The following ASIC2 variants were observed in gnomAD, a reference collection of about 807,000 sequenced individuals.
The protein encoded by ASIC2 is acid-sensing ion channel 2.
Under a neutral mutation model 57.3 loss-of-function variants are expected in ASIC2, and 25 were observed. The ratio of observed to expected loss-of-function variants is 0.44; its 90% confidence interval spans 0.32 to 0.61. ASIC2 has a LOEUF of 0.61. ASIC2 is among the 20% of genes least tolerant of loss of function. The pLI is 0.06. For missense variants in ASIC2, 641 were observed against 738.1 expected, an observed-to-expected ratio of 0.87 and a Z score of 1.52; for synonymous variants, 319 against 307.5, an observed-to-expected ratio of 1.04 and a Z score of -0.39.
chr17:33,498,281 C>T (rs528082648), intron 1 of ASIC2, among the ~76,000 whole-genome samples: 2 of 152,302 alleles, frequency 1.3e-5, no homozygotes, highest in South Asian at 2.1e-4. Flanking sequence ...GTTGTGATTC[C>T]GAGGCAACTC....
At chr17:33,581,824 C>A (rs1904451523) in intron 1 of ASIC2, among the ~76,000 whole-genome samples, 2 of 152,172 alleles carry the variant, frequency 1.3e-5, no homozygotes, top group Non-Finnish European at 2.9e-5. Flanking sequence ...CATTGAGTAG[C>A]CTTTGCTCCT....
At chr17:34,124,552 A>T (rs1911718722) in intron 1 of ASIC2, among the ~76,000 whole-genome samples, 1 of 152,168 alleles carries the variant, frequency 6.6e-6, no homozygotes, top group South Asian at 2.1e-4. Flanking sequence ...ACTTACAGTC[A>T]GTTCTGGTTT....
At chr17:33,933,407 G>A (rs1256842811) in intron 1 of ASIC2, among the ~76,000 whole-genome samples, 2 of 152,224 alleles carry the variant, frequency 1.3e-5, no homozygotes, top group East Asian at 3.8e-4. Context: ...GCACATACTG[G>A]ATACTCAGAG....
chr17:33,155,027 G>A (rs934628293), intron 1 of ASIC2, among the ~76,000 whole-genome samples: 2 of 152,180 alleles, frequency 1.3e-5, no homozygotes, highest in Admixed American at 6.5e-5. Flanking sequence ...AGTTGTTGGC[G>A]GCGGCGGCAG....
chr17:33,537,326 T>C (rs1478977258), intron 1 of ASIC2, among the ~76,000 whole-genome samples: 2 of 152,170 alleles, frequency 1.3e-5, no homozygotes, highest in African/African-American at 2.4e-5. Context: ...TTACATCATA[T>C]AGGTCTCTGC....
chr17:33,372,237 C>T (rs1216347396), intron 1 of ASIC2, among the ~76,000 whole-genome samples: 2 of 151,800 alleles, frequency 1.3e-5, no homozygotes, highest in Non-Finnish European at 2.9e-5. Context: ...AGAAGGCATA[C>T]AGATGTTAAG....
chr17:34,100,631 A>C (rs1414899718), intron 1 of ASIC2, among the ~76,000 whole-genome samples: 1 of 152,184 alleles, frequency 6.6e-6, no homozygotes, highest in African/African-American at 2.4e-5. Flanking sequence ...GAAGACATGG[A>C]TCTCATCCAA....
At chr17:34,019,385 C>T (rs551331334) in intron 1 of ASIC2, among the ~76,000 whole-genome samples, 45 of 152,194 alleles carry the variant, frequency 3.0e-4, no homozygotes, top group African/African-American at 1.1e-3. Flanking sequence ...CATCGCATGC[C>T]ACAAATAAAT....
At chr17:33,367,820 G>A (rs997154227) in intron 1 of ASIC2, among the ~76,000 whole-genome samples, 3 of 152,152 alleles carry the variant, frequency 2.0e-5, no homozygotes, top group South Asian at 2.1e-4. Flanking sequence ...CCATTATAAC[G>A]AGGCCCCTGG....
At chr17:33,820,373 C>T (rs1465355891) in intron 1 of ASIC2, among the ~76,000 whole-genome samples, 2 of 152,146 alleles carry the variant, frequency 1.3e-5, no homozygotes, top group Non-Finnish European at 2.9e-5. Flanking sequence ...GGTAAACTAT[C>T]TTGTTAATAA....
chr17:33,737,331 G>A (rs1406964186), intron 1 of ASIC2, among the ~76,000 whole-genome samples: 1 of 152,238 alleles, frequency 6.6e-6, no homozygotes, highest in Non-Finnish European at 1.5e-5. Context: ...GGTTTGTTCT[G>A]TTGAATCCAG....
chr17:33,830,931 T>C (rs1426553347), intron 1 of ASIC2, among the ~76,000 whole-genome samples: 4 of 151,514 alleles, frequency 2.6e-5, no homozygotes, highest in African/African-American at 9.7e-5. Flanking sequence ...GCCAACATGG[T>C]AAAACCCCAT....
At chr17:33,723,165 C>G (rs962471179) in intron 1 of ASIC2, among the ~76,000 whole-genome samples, 2 of 151,990 alleles carry the variant, frequency 1.3e-5, no homozygotes, top group Non-Finnish European at 2.9e-5. Context: ...CGATTGTGGT[C>G]TAGTCATACA....
intron 1 of ASIC2, among the ~76,000 whole-genome samples, chr17:33,124,088 C>T (rs764166198): frequency 3.3e-5 from 5 of 152,142 alleles, no homozygotes; most frequent in African/African-American, 7.2e-5. Context: ...AAATAGGTAA[C>T]GACCCATATG....
chr17:33,956,412 C>A (rs1256666863), intron 1 of ASIC2, among the ~76,000 whole-genome samples: 1 of 152,124 alleles, frequency 6.6e-6, no homozygotes, highest in Non-Finnish European at 1.5e-5. Context: ...GTAGCCCTGG[C>A]TGCCCCTTCA....
In ASIC2 at chr17:33,129,030, G is replaced by T. The variant is rs188445510; in HGVS notation, c.709-16963C>A. On this transcript the variant is annotated intron_variant, in intron 1 of 9. Transcript: ENST00000225823. ...CATAGGCACTCAGTAGAAATTTGTT[G>T]AATGATTGAATTAAAAAAGAATGCA... Among the ~76,000 whole-genome samples, 135 of 152,306 alleles carry T rather than the reference G, an allele frequency of 8.9e-4. 1 individual carries two copies. Among genetic ancestry groups the T allele is most frequent in the African/African-American group, 2.9e-3 (122 of 41,570 alleles).
intron 1 of ASIC2, among the ~76,000 whole-genome samples, chr17:33,260,952 A>T (rs1909257467): frequency 1.3e-5 from 2 of 152,206 alleles, no homozygotes; most frequent in African/African-American, 4.8e-5. Flanking sequence ...ACCTCTTCAG[A>T]ACCCTTTTAA....
chr17:34,092,917 G>T (rs1910383285), intron 1 of ASIC2, among the ~76,000 whole-genome samples: 1 of 152,008 alleles, frequency 6.6e-6, no homozygotes. Context: ...GAATTGTTTT[G>T]CATGTTTTCA....
intron 1 of ASIC2, among the ~76,000 whole-genome samples, chr17:33,776,464 G>C (rs970625873): frequency 6.6e-6 from 1 of 152,196 alleles, no homozygotes; most frequent in Non-Finnish European, 1.5e-5. Flanking sequence ...ACCAGTCTGT[G>C]GTATTCTGTT....
Sources: allele counts gnomAD v4.1 joint callset (sites outside exome capture counted in the v4.1 genomes callset), GRCh38; gene constraint gnomAD v4.1.1; transcripts MANE v1.5; gene names NCBI Gene and HGNC (gene_info 2026-07-23, HGNC 2026-07-21).